Variants in TUSC3 observed in about 807,000 individuals in gnomAD.
TUSC3 encodes the protein tumor suppressor candidate 3.
TUSC3 carries 45 observed loss-of-function variants against 44.8 expected under a neutral mutation model. That is an observed-to-expected ratio of 1.00 (90% confidence interval 0.79 to 1.29). The LOEUF (loss-of-function observed/expected upper bound fraction) is 1.29. TUSC3 is among the 50% of genes most tolerant of loss of function. The pLI is 0.00. For synonymous variants in TUSC3, 212 were observed against 152.9 expected (o/e 1.39, Z -2.85); for missense variants, 519 against 437.9 (o/e 1.19, Z -1.65).
At chr8:15,833,116 C>T in the TUSC3 span, among the ~76,000 whole-genome samples, 1 of 152,156 alleles carries the variant, frequency 6.6e-6, no homozygotes, top group East Asian at 1.9e-4. Flanking sequence ...AAAAGCTCAA[C>T]ATCACTGATC....
At chr8:15,666,844 C>G (rs1420737640) in intron 5 of TUSC3, among the ~76,000 whole-genome samples, 1 of 151,118 alleles carries the variant, frequency 6.6e-6, no homozygotes, top group Admixed American at 6.6e-5. Flanking sequence ...ACAGGTATTT[C>G]TATGTATAGC....
At chr8:15,442,719 C>G (rs986007929) in intron 1 of TUSC3, among the ~76,000 whole-genome samples, 3 of 152,106 alleles carry the variant, frequency 2.0e-5, no homozygotes, top group African/African-American at 7.2e-5. Flanking sequence ...ACAGAATCAT[C>G]CTGATGAAAG....
At chr8:15,514,206 G>T (rs1801180222) in intron 2 of TUSC3, among the ~76,000 whole-genome samples, 1 of 152,162 alleles carries the variant, frequency 6.6e-6, no homozygotes. Flanking sequence ...TAGATACCCA[G>T]ATCTGGTTTG....
intron 2 of TUSC3, among the ~76,000 whole-genome samples, chr8:15,639,684 AGTTT>A (rs979453106): frequency 4.0e-5 from 6 of 151,572 alleles, no homozygotes; most frequent in African/African-American, 1.5e-4. Context: ...CAATGATTTT[AGTTT>A]ATGTTAGTCA....
chr8:15,728,215 A>G (rs13248025), intron 6 of TUSC3, among the ~76,000 whole-genome samples: 20,022 of 152,152 alleles, frequency 0.13, 1,847 homozygotes, highest in Non-Finnish European at 0.2. Flanking sequence ...ATGATAGGAT[A>G]GTTTTGACAG....
intron 6 of TUSC3, among the ~76,000 whole-genome samples, chr8:15,691,250 A>G (rs1199205125): frequency 6.6e-6 from 1 of 152,100 alleles, no homozygotes; most frequent in African/African-American, 2.4e-5. Context: ...ATTCTTAAGT[A>G]TTTTATTCTT....
chr8:15,660,415 A>G (rs143792835), intron 4 of TUSC3, among the ~76,000 whole-genome samples: 1 of 152,160 alleles, frequency 6.6e-6, no homozygotes, highest in African/African-American at 2.4e-5. Context: ...GTATAGATTG[A>G]CATAGACAAT....
chr8:15,631,668 TTGTGTGTGTGTGTGTGTGTG>T (rs147004169), intron 2 of TUSC3, among the ~76,000 whole-genome samples: 2 of 145,114 alleles, frequency 1.4e-5, no homozygotes, highest in Non-Finnish European at 3.0e-5. Context: ...TTTAAGGCTG[TTGTGTGTGTGTGTGTGTGTG>T]TGTGTGTGTG....
intron 1 of TUSC3, among the ~76,000 whole-genome samples, chr8:15,585,147 A>C (rs1265941317): frequency 6.6e-6 from 1 of 152,138 alleles, no homozygotes; most frequent in East Asian, 1.9e-4. Flanking sequence ...TAGAGTAAAA[A>C]ATTCATCAGT....
intron 1 of TUSC3, among the ~76,000 whole-genome samples, chr8:15,573,181 T>C (rs1285398391): frequency 2.3e-5 from 2 of 87,462 alleles, no homozygotes; most frequent in African/African-American, 9.4e-5. Flanking sequence ...TCTCTCTCTC[T>C]CTCTCTCTCT....
At chr8:15,527,041 A>G (rs1801382137) in intron 2 of TUSC3, among the ~76,000 whole-genome samples, 1 of 152,230 alleles carries the variant, frequency 6.6e-6, no homozygotes, top group Non-Finnish European at 1.5e-5. Flanking sequence ...AGTTTGAATA[A>G]TTGATTAATC....
chr8:15,792,711 G>A, the TUSC3 span, among the ~76,000 whole-genome samples: 25 of 152,052 alleles, frequency 1.6e-4, no homozygotes, highest in Middle Eastern at 3.2e-3. Flanking sequence ...TGCCTCCTGG[G>A]TTCAAGTGAT....
rs1224194139 is a variant in TUSC3, at chr8:15,748,425, C to T, written c.988C>T (p.Leu330Phe). The change falls in exon 9 of 11, where the codon CTT becomes TTT. Residue 330 changes from leucine (L) to phenylalanine (F), a missense_variant. Transcript: ENST00000503731. Reference protein sequence around the residue: ...GLVVFFFSFLLSIFRSKYHGY... With the variant: ...GLVVFFFSFLFSIFRSKYHGY... ...GGTGGTCTTCTTCTTCAGTTTTCTA[C>T]TTTCAATATTTCGTTCCAAGTACCA... is the stretch of plus-strand genomic sequence containing the variant. The T allele has an allele frequency of 5.6e-6, 9 of 1,613,432 alleles. No homozygotes were observed. Among genetic ancestry groups the T allele is most frequent in the South Asian group, 2.2e-5 (2 of 91,078 alleles).
At chr8:15,438,393 G>A (rs1406474766) in intron 1 of TUSC3, among the ~76,000 whole-genome samples, 2 of 152,356 alleles carry the variant, frequency 1.3e-5, no homozygotes, top group African/African-American at 4.8e-5. Context: ...ACCGCGCCCA[G>A]CCAGGGGTTG....
chr8:15,630,972 T>TG (rs1206384820), intron 2 of TUSC3, among the ~76,000 whole-genome samples: 2 of 152,214 alleles, frequency 1.3e-5, no homozygotes, highest in Admixed American at 1.3e-4. Context: ...ATTACTTTTT[T>TG]GGGGTTTGGT....
intron 9 of TUSC3, among the ~76,000 whole-genome samples, chr8:15,753,853 C>T (rs574781603): frequency 2.6e-5 from 4 of 151,638 alleles, no homozygotes; most frequent in African/African-American, 7.3e-5. Flanking sequence ...AATTAGTTAA[C>T]TAAAGAAAGA....
At chr8:15,614,780 A>C (rs961532406) in intron 1 of TUSC3, among the ~76,000 whole-genome samples, 7 of 152,212 alleles carry the variant, frequency 4.6e-5, no homozygotes, top group African/African-American at 1.7e-4. Flanking sequence ...TAATCTGTGA[A>C]ATGCCGGATT....
At chr8:15,742,507 C>T (rs528678127) in intron 7 of TUSC3, among the ~76,000 whole-genome samples, 10 of 152,112 alleles carry the variant, frequency 6.6e-5, no homozygotes, top group African/African-American at 2.4e-4. Context: ...AAACAAGACT[C>T]AGAGAGGAAA....
chr8:15,477,322 C>T (rs1053643471), intron 1 of TUSC3, among the ~76,000 whole-genome samples: 58 of 152,154 alleles, frequency 3.8e-4, no homozygotes, highest in African/African-American at 1.4e-3. Flanking sequence ...GAAACTTTGC[C>T]TATAACCTAA....
Sources: allele counts gnomAD v4.1 joint callset (sites outside exome capture counted in the v4.1 genomes callset), GRCh38; gene constraint gnomAD v4.1.1; transcripts MANE v1.5; gene names NCBI Gene and HGNC (gene_info 2026-07-23, HGNC 2026-07-21).